TMED3: variants seen among roughly 807,000 people sequenced by gnomAD.
The protein encoded by TMED3 is transmembrane emp24 domain-containing protein 3.
A neutral mutation model predicts 15.0 loss-of-function variants in TMED3; 9 were observed. The ratio of observed to expected loss-of-function variants is 0.60; its 90% CI spans 0.36 to 1.04. TMED3 has a LOEUF of 1.04. Among genes scored for constraint, TMED3 ranks in the 50% least tolerant of loss-of-function variants. The probability of loss-of-function intolerance (pLI) is 0.01; values close to 1 mark genes in which losing one functional copy is unlikely to be tolerated. For synonymous variants in TMED3, 117 were observed against 121.4 expected, an observed-to-expected ratio of 0.96 and a Z score of 0.24; for missense variants, 267 against 278.9, an observed-to-expected ratio of 0.96 and a Z score of 0.30.
At chr15:79,381,903 G>A (rs1426161721) in intron 2 of TMED3, among the ~76,000 whole-genome samples, 1 of 152,162 alleles carries the variant, frequency 6.6e-6, no homozygotes, top group Non-Finnish European at 1.5e-5. Flanking sequence ...GTATCCATAT[G>A]GACTTAAAAA....
At position 79,321,959 on chromosome 15, in the gene TMED3, C is replaced by CTT. The variant is rs1438418506; in HGVS notation, c.418-16_418-15dup. The CTT allele has an allele frequency of 6.2e-7, 1 of 1,611,596 alleles. No individual in the cohort carries two copies. The highest frequency in any genetic ancestry group is 8.5e-7 in the Non-Finnish European group (1 of 1,178,364). ...TGTCTATGGGTTAGCAGTGTGACTG[C>CTT]TTTTCTCTTCCTGCCCAGATGGAGT... On this transcript the variant is annotated intron_variant, in intron 2 of 2. Coordinates refer to ENST00000299705, the MANE Select transcript of TMED3 (RefSeq NM_007364.4).
chr15:79,371,177 TC>T (rs1249846964), intron 2 of TMED3, among the ~76,000 whole-genome samples: 1 of 152,210 alleles, frequency 6.6e-6, no homozygotes, highest in Non-Finnish European at 1.5e-5. Context: ...AGATGTGTAT[TC>T]TTAAAGGAAT....
intron 2 of TMED3, among the ~76,000 whole-genome samples, chr15:79,321,643 T>G (rs936888650): frequency 5.3e-5 from 8 of 152,188 alleles, no homozygotes; most frequent in Non-Finnish European, 1.0e-4. Context: ...GGATAAGCCC[T>G]CGTTAACAGT....
rs74326713 is a variant in TMED3 at position 79,322,826 on chromosome 15, C to G, written c.*612C>G. The G allele has an allele frequency of 1.9e-3, 1,840 of 985,596 alleles. 34 individuals are homozygous for G. In the African/African-American group the frequency reaches 0.029, roughly 16 times the overall value. The allele number at this position is 985,596 out of a possible 1,614,324, so 61.1% of individuals were successfully genotyped here. A position where few individuals can be genotyped will look rare whatever the true frequency, so the allele number is the denominator to read the frequency against. On this transcript the variant is annotated 3_prime_UTR_variant, in exon 3 of 3. Transcript: ENST00000299705. ...TGTGGGAAACTGTGGCTAATAAAAA[C>G]TAAGTGTGAGCGTCCTGGAGACTTG...
chr15:79,343,027 T>G (rs1319176309), intron 2 of TMED3, among the ~76,000 whole-genome samples: 3 of 152,114 alleles, frequency 2.0e-5, no homozygotes, highest in Non-Finnish European at 4.4e-5. Context: ...GCAGGGGACA[T>G]TTCAGCTAGG....
downstream of TMED3, among the ~76,000 whole-genome samples, chr15:79,327,079 C>T (rs2058790065): frequency 6.6e-6 from 1 of 152,164 alleles, no homozygotes. Flanking sequence ...AGCTCACTCA[C>T]TACAGCAAGG....
intron 2 of TMED3, among the ~76,000 whole-genome samples, chr15:79,330,883 T>C (rs1325016799): frequency 1.3e-5 from 2 of 152,136 alleles, no homozygotes; most frequent in Non-Finnish European, 2.9e-5. Flanking sequence ...AATCTACATA[T>C]CTATAGCTAT....
At chr15:79,346,986 A>G (rs2058873672) in intron 2 of TMED3, among the ~76,000 whole-genome samples, 2 of 152,200 alleles carry the variant, frequency 1.3e-5, no homozygotes, top group South Asian at 2.1e-4. Flanking sequence ...TGCTAAAACT[A>G]CTCCAAAAAT....
At position 79,322,471 on chromosome 15, in the gene TMED3, A is replaced by G. The variant is rs1567023426; in HGVS notation, c.*257A>G. On this transcript the variant is annotated 3_prime_UTR_variant, in exon 3 of 3. Transcript: ENST00000299705. ...TTTACAACTAGGCCAGGGATTAGCC[A>G]CTGTGGGAGGGTGGACAGGCAATGG... 1.5e-6 allele frequency: 2 copies of G among 1,304,100 alleles called. No individual in the cohort carries two copies. The highest frequency in any genetic ancestry group is 1.5e-5 in the African/African-American group (1 of 67,064). The allele number at this position is 1,304,100 out of a possible 1,614,324, so 80.8% of individuals were successfully genotyped here. A position where few individuals can be genotyped will look rare whatever the true frequency, so the allele number is the denominator to read the frequency against.
rs1380268225 is a variant in TMED3 at position 79,311,426 on chromosome 15, G to C, written c.168+9G>C. On this transcript the variant is annotated intron_variant, in intron 1 of 2. Coordinates refer to ENST00000299705, the MANE Select transcript of TMED3 (RefSeq NM_007364.4). ...TCTCCCTGGATTACCAGGTGAGGCC[G>C]GGCGCCCGGCAGCGCTCCCTTCTCC... The C allele has an allele frequency of 6.2e-7, 1 of 1,600,828 alleles. No individual in the cohort carries two copies. Among genetic ancestry groups the C allele is most frequent in the Non-Finnish European group, 8.5e-7 (1 of 1,173,616 alleles).
intron 2 of TMED3, among the ~76,000 whole-genome samples, chr15:79,330,687 A>T (rs2058805041): frequency 6.6e-6 from 1 of 152,190 alleles, no homozygotes; most frequent in Non-Finnish European, 1.5e-5. Context: ...AAAATCCTAA[A>T]ATTTATATGG....
intron 2 of TMED3, among the ~76,000 whole-genome samples, chr15:79,395,469 C>T (rs549076190): frequency 2.0e-5 from 3 of 152,332 alleles, no homozygotes; most frequent in Admixed American, 1.3e-4. Flanking sequence ...GCTTGAGCCA[C>T]CGCGCCTGGC....
intron 2 of TMED3, among the ~76,000 whole-genome samples, chr15:79,343,691 A>G (rs1251967579): frequency 1.3e-5 from 2 of 152,150 alleles, no homozygotes; most frequent in African/African-American, 4.8e-5. Flanking sequence ...AGACATGACA[A>G]TGGATTCAAC....
At chr15:79,365,855 C>T (rs556678114) in intron 2 of TMED3, among the ~76,000 whole-genome samples, 3 of 152,314 alleles carry the variant, frequency 2.0e-5, no homozygotes, top group African/African-American at 7.2e-5. Context: ...CCAGTCCTCT[C>T]GGTCCCTCCA....
chr15:79,349,203 T>A (rs548699214), intron 2 of TMED3, among the ~76,000 whole-genome samples: 8 of 152,324 alleles, frequency 5.3e-5, no homozygotes, highest in African/African-American at 1.9e-4. Flanking sequence ...TACTTTTGAT[T>A]TATGTGTCCT....
intron 2 of TMED3, among the ~76,000 whole-genome samples, chr15:79,348,172 G>A (rs1282709394): frequency 2.6e-5 from 4 of 152,102 alleles, no homozygotes; most frequent in Non-Finnish European, 5.9e-5. Context: ...CCTGAAGAGG[G>A]CACAGTGCCC....
chr15:79,394,095 G>A (rs932154765), intron 2 of TMED3, among the ~76,000 whole-genome samples: 3 of 152,148 alleles, frequency 2.0e-5, no homozygotes, highest in Non-Finnish European at 1.5e-5. Flanking sequence ...GTATATGACT[G>A]TGCTGTTAAA....
At chr15:79,355,539 G>A (rs949510994) in intron 2 of TMED3, among the ~76,000 whole-genome samples, 1 of 152,198 alleles carries the variant, frequency 6.6e-6, no homozygotes, top group African/African-American at 2.4e-5. Flanking sequence ...CTGGGGTGCT[G>A]CAATTTCAAG....
intron 2 of TMED3, among the ~76,000 whole-genome samples, chr15:79,380,328 C>T (rs950017001): frequency 6.0e-5 from 9 of 150,184 alleles, no homozygotes; most frequent in African/African-American, 1.5e-4. Context: ...CCAGCCTGGG[C>T]GACAGAGCGA....
Sources: gnomAD v4.1 joint callset for allele counts (sites outside exome capture counted in the v4.1 genomes callset) on GRCh38, gnomAD v4.1.1 for gene constraint, MANE v1.5 for transcripts, NCBI Gene and HGNC (gene_info 2026-07-23, HGNC 2026-07-21) for gene names.